Variants in MSRB3 observed in about 807,000 individuals in gnomAD.
MSRB3 encodes the protein methionine-R-sulfoxide reductase B3.
A neutral mutation model predicts 21.0 loss-of-function variants in MSRB3; 13 were observed. That is an observed-to-expected ratio of 0.62 (90% CI 0.40 to 0.98). MSRB3 has a LOEUF of 0.98. Among genes scored for constraint, MSRB3 ranks in the 50% least tolerant of loss-of-function variants. The probability of loss-of-function intolerance (pLI) is 0.00; values close to 1 mark genes in which losing one functional copy is unlikely to be tolerated. For missense variants in MSRB3, 199 were observed against 230.3 expected (o/e 0.86, Z 0.88); for synonymous variants, 87 against 88.6 (o/e 0.98, Z 0.10).
intron 5 of MSRB3, among the ~76,000 whole-genome samples, chr12:65,426,826 T>C (rs913122892): frequency 6.6e-6 from 1 of 152,170 alleles, no homozygotes; most frequent in African/African-American, 2.4e-5. Context: ...CAGTTCTTTT[T>C]ACTTCTCTAT....
At chr12:65,428,999 G>A (rs1881749068) in intron 5 of MSRB3, among the ~76,000 whole-genome samples, 1 of 151,884 alleles carries the variant, frequency 6.6e-6, no homozygotes, top group African/African-American at 2.4e-5. Flanking sequence ...TAATTTTTTT[G>A]AGGGTGGGAC....
chr12:65,342,431 T>C (rs1249407428), intron 4 of MSRB3, among the ~76,000 whole-genome samples: 3 of 151,990 alleles, frequency 2.0e-5, no homozygotes, highest in Non-Finnish European at 4.4e-5. Context: ...AAAAGATGAA[T>C]AATTTTTTAC....
chr12:65,305,795 A>G (rs750227043), intron 1 of MSRB3, among the ~76,000 whole-genome samples: 3 of 152,196 alleles, frequency 2.0e-5, no homozygotes, highest in African/African-American at 7.2e-5. Flanking sequence ...TTACTGTGGA[A>G]ACCTATCAAG....
chr12:65,336,248 G>T (rs1875754774), intron 4 of MSRB3, among the ~76,000 whole-genome samples: 1 of 152,130 alleles, frequency 6.6e-6, no homozygotes, highest in Admixed American at 6.5e-5. Context: ...AGAAAGAAAA[G>T]AACATAAAAG....
intron 5 of MSRB3, among the ~76,000 whole-genome samples, chr12:65,447,318 T>A (rs772058101): frequency 6.6e-6 from 1 of 152,126 alleles, no homozygotes. Flanking sequence ...TGAAGGAAAC[T>A]AAGAGCTTGA....
chr12:65,380,331 C>T (rs541163897), intron 5 of MSRB3, among the ~76,000 whole-genome samples: 1 of 152,134 alleles, frequency 6.6e-6, no homozygotes, highest in African/African-American at 2.4e-5. Flanking sequence ...TTAGAAACCA[C>T]AGGCTTGGCC....
chr12:65,297,617 G>A (rs1439158366), intron 1 of MSRB3, among the ~76,000 whole-genome samples: 1 of 152,204 alleles, frequency 6.6e-6, no homozygotes, highest in East Asian at 1.9e-4. Flanking sequence ...AGAGCGTTGA[G>A]GATTGAGGTT....
At chr12:65,376,118 A>T (rs1186124302) in intron 5 of MSRB3, among the ~76,000 whole-genome samples, 6 of 131,936 alleles carry the variant, frequency 4.5e-5, no homozygotes, top group Non-Finnish European at 4.7e-5. Context: ...TGAGTTTGTA[A>T]TTTTTTTTTT....
chr12:65,456,045 A>C (rs1475626406), intron 6 of MSRB3, among the ~76,000 whole-genome samples: 1 of 152,216 alleles, frequency 6.6e-6, no homozygotes, highest in Admixed American at 6.5e-5. Context: ...CCTGCAATTT[A>C]GTTTTAAATT....
intron 1 of MSRB3, among the ~76,000 whole-genome samples, chr12:65,280,772 CT>C (rs908286398): frequency 2.0e-5 from 3 of 152,138 alleles, no homozygotes; most frequent in African/African-American, 7.2e-5. Context: ...CAACACACTG[CT>C]TTTTGTTTTT....
At chr12:65,354,068 G>T (rs924207540) in intron 4 of MSRB3, among the ~76,000 whole-genome samples, 1 of 151,970 alleles carries the variant, frequency 6.6e-6, no homozygotes, top group African/African-American at 2.4e-5. Context: ...CTCTCTTCTG[G>T]CTTGTAGAGT....
At chr12:65,378,767 G>C (rs1246308254) in intron 5 of MSRB3, among the ~76,000 whole-genome samples, 1 of 152,172 alleles carries the variant, frequency 6.6e-6, no homozygotes, top group Non-Finnish European at 1.5e-5. Flanking sequence ...GATGGATGAA[G>C]CCAGAATGCT....
chr12:65,371,349 G>T (rs1321190442), intron 5 of MSRB3, among the ~76,000 whole-genome samples: 1 of 116,034 alleles, frequency 8.6e-6, no homozygotes, highest in East Asian at 2.9e-4. Flanking sequence ...AAAAAAAAAA[G>T]GAAATAAGGT....
chr12:65,419,612 T>C, intron 5 of MSRB3: 1 of 716,190 alleles, frequency 1.4e-6, no homozygotes, highest in Non-Finnish European at 2.6e-6. Context: ...ATATGAGCCC[T>C]CAGGTCCTCG....
At chr12:65,435,819 C>G (rs1882089772) in intron 5 of MSRB3, among the ~76,000 whole-genome samples, 1 of 151,776 alleles carries the variant, frequency 6.6e-6, no homozygotes, top group Non-Finnish European at 1.5e-5. Context: ...GTTAGTAACC[C>G]AAGGTCTGTG....
At chr12:65,407,018 AT>A (rs774055429) in intron 5 of MSRB3, among the ~76,000 whole-genome samples, 5 of 152,200 alleles carry the variant, frequency 3.3e-5, no homozygotes, top group Non-Finnish European at 7.3e-5. Flanking sequence ...TCTTTATAAA[AT>A]TATCTGGTCT....
intron 4 of MSRB3, among the ~76,000 whole-genome samples, chr12:65,345,543 A>G (rs1876432326): frequency 6.6e-6 from 1 of 152,098 alleles, no homozygotes; most frequent in South Asian, 2.1e-4. Context: ...GTTCCTGATA[A>G]CACACGTAGG....
intron 5 of MSRB3, among the ~76,000 whole-genome samples, chr12:65,411,641 A>C (rs1880720768): frequency 6.6e-6 from 1 of 151,898 alleles, no homozygotes; most frequent in South Asian, 2.1e-4. Flanking sequence ...GAAGGCAAAA[A>C]AACATTGGTT....
At chr12:65,309,399 A>G (rs1213362308) in intron 2 of MSRB3, among the ~76,000 whole-genome samples, 1 of 152,216 alleles carries the variant, frequency 6.6e-6, no homozygotes, top group African/African-American at 2.4e-5. Flanking sequence ...CTATCACTAC[A>G]TTGTGTAAGG....
Sources: gnomAD v4.1 joint callset for allele counts (sites outside exome capture counted in the v4.1 genomes callset) on GRCh38, gnomAD v4.1.1 for gene constraint, MANE v1.5 for transcripts, NCBI Gene and HGNC (gene_info 2026-07-23, HGNC 2026-07-21) for gene names.